The following ZZEF1 variants were observed in gnomAD, a reference collection of about 807,000 sequenced individuals.
ZZEF1 encodes the protein zinc finger ZZ-type and EF-hand domain containing 1, also known as zinc finger ZZ-type and EF-hand domain-containing protein 1.
A neutral mutation model predicts 342.8 loss-of-function variants in ZZEF1; 157 were observed. That is an observed-to-expected ratio of 0.46 (90% CI 0.40 to 0.52). The LOEUF is 0.52. Ranked by LOEUF, ZZEF1 falls within the 20% of genes least tolerant of loss-of-function variation. The pLI is 0.00. For missense variants in ZZEF1, 3,480 were observed against 3,725.6 expected (o/e 0.93, Z 1.72); for synonymous variants, 1,505 against 1,429.1 (o/e 1.05, Z -1.20).
rs958735284 is a variant in ZZEF1, at chr17:4,006,545, G to C, written c.*345C>G. ...AGGCAGTTCCAGCTCCACGGAGACA[G>C]AAACCAGTTGAGAGAGGCCGCTTCC... On this transcript the variant is annotated 3_prime_UTR_variant, in exon 55 of 55. Transcript: ENST00000381638. The C allele has an allele frequency of 9.1e-6, 3 of 327,990 alleles. No individual in the cohort carries two copies. Among genetic ancestry groups the C allele is most frequent in the African/African-American group, 6.6e-5 (3 of 45,346 alleles). 20.3% of individuals were successfully genotyped at this position (327,990 alleles called of 1,614,324 possible).
In ZZEF1 at chr17:4,016,173, TG is replaced by T; in HGVS notation, c.8145+149del. ...GGCCTCAGGGAGGCAGACTGCAGTT[TG>T]TTCAAGGAAGCACTTTCCTGGACAG... On this transcript the variant is annotated intron_variant, in intron 49 of 54. Transcript: ENST00000381638. The surrounding 1 kb of genome is among the most constrained non-coding windows in gnomAD (Gnocchi z 4.4). The T allele has an allele frequency of 1.2e-6, 1 of 853,396 alleles. No individual in the cohort carries two copies. 52.9% of individuals were successfully genotyped at this position (853,396 alleles called of 1,614,324 possible).
chr17:4,016,463 G>C lies in ZZEF1; in HGVS notation c.8005C>G (p.Leu2669Val), dbSNP rs2056103893. The C allele has an allele frequency of 6.2e-7, 1 of 1,608,088 alleles. No individual in the cohort carries two copies. Among genetic ancestry groups the C allele is most frequent in the Non-Finnish European group, 8.5e-7 (1 of 1,178,808 alleles). The change falls in exon 49 of 55, where the codon CTG (leucine) becomes GTG (valine). Residue 2669 changes from leucine to valine, a missense_variant. Physicochemically the swap from Leu to Val is conservative, Grantham distance 32. This residue lies in a region of ZZEF1 where 1,269 missense variants were observed against 1,342.4 expected (regional missense o/e 0.95). Coordinates refer to ENST00000381638, the MANE Select transcript of ZZEF1 (RefSeq NM_015113.4). This position sits in a 1 kb window ranked among gnomAD's most constrained non-coding sequence, Gnocchi z 4.4. ...LEEKHEWEKI[L>V]QKVLQGCRED... ...CGGCAGCCCTGGAGCACTTTCTGCAGGATCTGGTGGGAAGCAGACAGATAA... is the reference window on the plus strand; with the variant it reads ...CGGCAGCCCTGGAGCACTTTCTGCACGATCTGGTGGGAAGCAGACAGATAA...
At chr17:4,053,900 T>C (rs151066531) in intron 34 of ZZEF1, among the ~76,000 whole-genome samples, 157 bp downstream of exon 34, 27 of 152,300 alleles carry the variant, frequency 1.8e-4, no homozygotes, top group African/African-American at 6.3e-4. Context: ...TTTCATTTAG[T>C]TGAGGAGATA....
At chr17:4,035,636 G>A (rs1204612560) in intron 39 of ZZEF1, among the ~76,000 whole-genome samples, 3 of 152,244 alleles carry the variant, frequency 2.0e-5, no homozygotes, top group Admixed American at 2.0e-4. Flanking sequence ...CCTGATGTGA[G>A]TGTCCGAACC....
At chr17:4,035,342 G>A (rs2056637144) in intron 39 of ZZEF1, among the ~76,000 whole-genome samples, 1 of 152,266 alleles carries the variant, frequency 6.6e-6, no homozygotes, top group East Asian at 1.9e-4. Flanking sequence ...AAAAGTTCTT[G>A]GAAATAAAAA....
chr17:4,010,061 C>T (rs2144918466), intron 52 of ZZEF1, among the ~76,000 whole-genome samples: 1 of 152,288 alleles, frequency 6.6e-6, no homozygotes, highest in East Asian at 1.9e-4. Flanking sequence ...TGGTGGCTCA[C>T]ACCTGTAATC....
intron 1 of ZZEF1, among the ~76,000 whole-genome samples, chr17:4,141,513 T>C (rs1222045758): frequency 1.3e-5 from 2 of 151,792 alleles, no homozygotes; most frequent in African/African-American, 4.8e-5. Flanking sequence ...AGGAAGGAGG[T>C]AGTGAGACAT....
At chr17:4,101,322 C>T (rs2058123224) in intron 9 of ZZEF1, among the ~76,000 whole-genome samples, 1 of 151,776 alleles carries the variant, frequency 6.6e-6, no homozygotes, top group South Asian at 2.1e-4. Context: ...CGAGGAGAAC[C>T]AGACGCAAAG....
chr17:4,139,565 A>C (rs1018044128), intron 1 of ZZEF1, among the ~76,000 whole-genome samples: 1 of 152,246 alleles, frequency 6.6e-6, no homozygotes, highest in African/African-American at 2.4e-5. Flanking sequence ...TATGCACAAA[A>C]GTATATACTT....
Position 4,070,711 on chromosome 17 carries a change from C to G in ZZEF1, c.4048G>C (p.Asp1350His), listed in dbSNP as rs1210200200. 3.1e-6 allele frequency: 5 copies of G among 1,613,960 alleles called. No individual in the cohort carries two copies. Among genetic ancestry groups the G allele is most frequent in the Non-Finnish European group, 4.2e-6 (5 of 1,179,980 alleles). The change falls in exon 26 of 55, where the codon GAT becomes CAT. Residue 1350 changes from aspartate to histidine, a missense_variant. Physicochemically the swap from Asp to His is moderately conservative, Grantham distance 81 (BLOSUM62 -1). Coordinates refer to ENST00000381638, the MANE Select transcript of ZZEF1 (RefSeq NM_015113.4). ...TFAALVYRTPDLYEKLQKYVN... is the reference protein window; with the variant it reads ...TFAALVYRTPHLYEKLQKYVN... ...TATTTTTGCAGCTTCTCATATAAAT[C>G]TGGAGTGCGATACACCAGAGCAGCA...
At chr17:4,142,404 G>C in intron 1 of ZZEF1, 138 bp downstream of exon 1, 1 of 914,576 alleles carries the variant, frequency 1.1e-6, no homozygotes, top group African/African-American at 1.7e-5. Flanking sequence ...GAGAAACGAA[G>C]CAAACGCCTG....
At chr17:4,130,957 G>A (rs773089035) in intron 1 of ZZEF1, among the ~76,000 whole-genome samples, 13 of 152,166 alleles carry the variant, frequency 8.5e-5, no homozygotes, top group Non-Finnish European at 1.8e-4. Flanking sequence ...TCACATGGAA[G>A]CCAGAAGGCA....
At chr17:4,026,524 T>C (rs1241499014) in intron 42 of ZZEF1, among the ~76,000 whole-genome samples, 43 of 143,378 alleles carry the variant, frequency 3.0e-4, no homozygotes, top group African/African-American at 5.3e-4. Context: ...TTTTTTTTTC[T>C]TTTTTTTTTT....
At chr17:4,088,062 C>T (rs1296231739) in intron 13 of ZZEF1, among the ~76,000 whole-genome samples, 6 of 152,158 alleles carry the variant, frequency 3.9e-5, no homozygotes, top group Non-Finnish European at 8.8e-5. Flanking sequence ...AACTGAGTCA[C>T]CAGCCTCTGA....
At chr17:4,030,058 C>T (rs547528137) in intron 42 of ZZEF1, among the ~76,000 whole-genome samples, 5 of 148,682 alleles carry the variant, frequency 3.4e-5, no homozygotes, top group South Asian at 4.2e-4. Flanking sequence ...GAAAAGAAAC[C>T]GGAAAAGCAG....
At chr17:4,117,806 G>A (rs977285949) in intron 2 of ZZEF1, among the ~76,000 whole-genome samples, 2 of 152,140 alleles carry the variant, frequency 1.3e-5, no homozygotes, top group Admixed American at 6.6e-5. Flanking sequence ...ATAGAATACA[G>A]GGTAGAAATA....
chr17:4,007,923 C>A (rs1167733610), intron 54 of ZZEF1, among the ~76,000 whole-genome samples: 1 of 151,990 alleles, frequency 6.6e-6, no homozygotes, highest in Non-Finnish European at 1.5e-5. Context: ...CCACGGGTAA[C>A]CCTGTGAGCC....
chr17:4,049,530 T>G (rs577666006), intron 37 of ZZEF1, among the ~76,000 whole-genome samples, 178 bp downstream of exon 37: 7 of 151,772 alleles, frequency 4.6e-5, no homozygotes, highest in African/African-American at 1.7e-4. Context: ...CAAAAGAAAA[T>G]AAAACAAACA....
chr17:4,014,141 A>C lies in ZZEF1; in HGVS notation c.8362T>G (p.Trp2788Gly). ...GCCGTCACGGTGAATCTGTAGCCCC[A>C]CTCGGTGTTGCTCATGTCGGAGGTG... ...RFTSDMSNTE[W>G]GYRFTVTAGH... The change falls in exon 51 of 55, where the codon TGG becomes GGG. Residue 2788 changes from tryptophan (W) to glycine (G), a missense_variant. By Grantham distance (184) the Trp-to-Gly change is radical. Coordinates refer to ENST00000381638, the MANE Select transcript of ZZEF1 (RefSeq NM_015113.4). The surrounding 1 kb of genome is among the most constrained non-coding windows in gnomAD (Gnocchi z 4.4). 1 of 1,614,034 alleles carries C rather than the reference A, an allele frequency of 6.2e-7. No individual in the cohort carries two copies. The highest frequency in any genetic ancestry group is 8.5e-7 in the Non-Finnish European group (1 of 1,180,014).
Sources: gnomAD v4.1 joint callset for allele counts (sites outside exome capture counted in the v4.1 genomes callset) on GRCh38, gnomAD v4.1.1 for gene constraint, gnomAD v4.1.1 regional missense constraint, Gnocchi (gnomAD v3.1) non-coding constraint, MANE v1.5 for transcripts, NCBI Gene and HGNC (gene_info 2026-07-23, HGNC 2026-07-21) for gene names.